AGMO: variants seen among roughly 807,000 people sequenced by gnomAD.
AGMO encodes glyceryl-ether monooxygenase.
In AGMO, 75 loss-of-function variants were observed where a neutral mutation model predicts 60.2. The observed-to-expected ratio is 1.25, with a 90% confidence interval of 1.03 to 1.51. The LOEUF (loss-of-function observed/expected upper bound fraction) is 1.51. Ranked by LOEUF, AGMO falls within the 40% of genes most tolerant of loss-of-function variation. AGMO has a pLI of 0.00. For synonymous variants in AGMO, 261 were observed against 177.1 expected (o/e 1.47, Z -3.76); for missense variants, 763 against 525.5 (o/e 1.45, Z -4.42).
intron 12 of AGMO, among the ~76,000 whole-genome samples, chr7:15,361,546 A>AAAAAAAAAAAAAAGAAAAAG (rs60239009): frequency 1.1e-5 from 1 of 91,408 alleles, no homozygotes; most frequent in South Asian, 3.6e-4. Context: ...TCTCAAAAAA[A>AAAAAAAAAAAAAAGAAAAAG]AAAAAAAAGG....
chr7:15,197,566 T>C (rs114372536), downstream of AGMO, among the ~76,000 whole-genome samples: 2,895 of 152,290 alleles, frequency 0.019, 87 homozygotes, highest in African/African-American at 0.065. Flanking sequence ...GATATGGAAG[T>C]AAATGGCATA....
chr7:15,351,760 T>C (rs558632414), intron 12 of AGMO, among the ~76,000 whole-genome samples: 91 of 152,298 alleles, frequency 6.0e-4, no homozygotes, highest in African/African-American at 2.1e-3. Context: ...GCAATTCTTT[T>C]TAAAAATAAC....
In AGMO at chr7:15,287,294, A is replaced by G. The variant is rs113737808; in HGVS notation, c.1263+78220T>C. Among the ~76,000 whole-genome samples, 948 of 152,314 alleles carry G rather than the reference A, an allele frequency of 6.2e-3. 6 individuals carry two copies. Among genetic ancestry groups the G allele is most frequent in the African/African-American group, 0.022 (894 of 41,580 alleles). ...AATAGAAATTATCAAAAAATTTGGG[A>G]CAAGATTAGCAATGTTATTTCATGA... On this transcript the variant is annotated intron_variant, in intron 12 of 12. Coordinates refer to ENST00000342526, the MANE Select transcript of AGMO (RefSeq NM_001004320.2).
At chr7:15,117,802 G>A in the AGMO span, among the ~76,000 whole-genome samples, 1 of 152,048 alleles carries the variant, frequency 6.6e-6, no homozygotes, top group Non-Finnish European at 1.5e-5. Context: ...GATAGGTAAA[G>A]TGCTCAGCCA....
the AGMO span, among the ~76,000 whole-genome samples, chr7:15,170,890 G>C: frequency 6.6e-6 from 1 of 152,094 alleles, no homozygotes; most frequent in South Asian, 2.1e-4. Context: ...AAGAGTACTG[G>C]TTAGGTATTT....
intron 3 of AGMO, among the ~76,000 whole-genome samples, chr7:15,439,181 G>A (rs953158932): frequency 2.4e-4 from 36 of 152,140 alleles, no homozygotes; most frequent in East Asian, 9.6e-4. Context: ...GGCATATCAC[G>A]AAGTCAAGAG....
In AGMO at chr7:15,296,731, A is replaced by T. The variant is rs193132650; in HGVS notation, c.1263+68783T>A. Among the ~76,000 whole-genome samples, 615 of 152,306 alleles carry T rather than the reference A, an allele frequency of 4.0e-3. 3 individuals carry two copies. The highest frequency in any genetic ancestry group is 6.7e-3 in the Non-Finnish European group (455 of 68,016). On this transcript the variant is annotated intron_variant, in intron 12 of 12. Coordinates refer to ENST00000342526, the MANE Select transcript of AGMO (RefSeq NM_001004320.2). ...AATTCTGTTAGTCCCTCTCTACCCC[A>T]AACCACAATGTAGGTACTTTATTTC...
intron 12 of AGMO, among the ~76,000 whole-genome samples, chr7:15,290,522 C>T (rs1376091973): frequency 6.6e-6 from 1 of 152,140 alleles, no homozygotes; most frequent in Non-Finnish European, 1.5e-5. Flanking sequence ...TTACTAGCTG[C>T]AGTTGAATGG....
intron 9 of AGMO, among the ~76,000 whole-genome samples, chr7:15,385,864 G>A (rs1165430056): frequency 1.3e-5 from 2 of 152,088 alleles, no homozygotes; most frequent in Non-Finnish European, 2.9e-5. Context: ...GATCACATCT[G>A]GCGGCAAAAG....
chr7:15,292,505 C>T (rs1784293067), intron 12 of AGMO, among the ~76,000 whole-genome samples: 2 of 151,980 alleles, frequency 1.3e-5, no homozygotes, highest in African/African-American at 2.4e-5. Context: ...AATATGAGGA[C>T]GACTAGTACT....
intron 12 of AGMO, among the ~76,000 whole-genome samples, chr7:15,259,698 A>AC (rs968902331): frequency 6.6e-6 from 1 of 151,954 alleles, no homozygotes; most frequent in Non-Finnish European, 1.5e-5. Context: ...TATCAGATTA[A>AC]CCGCAGGTTT....
chr7:15,131,536 TTGTGGA>T, the AGMO span, among the ~76,000 whole-genome samples: 1 of 151,950 alleles, frequency 6.6e-6, no homozygotes, highest in South Asian at 2.1e-4. Context: ...ATGGCACAAG[TTGTGGA>T]TGAAGATTAC....
At chr7:15,324,380 A>G (rs777020769) in intron 12 of AGMO, among the ~76,000 whole-genome samples, 32 of 152,170 alleles carry the variant, frequency 2.1e-4, no homozygotes, top group African/African-American at 7.5e-4. Context: ...CTGATGTTCT[A>G]TCTTTTAAAG....
chr7:15,216,589 A>T (rs1473172806), intron 12 of AGMO, among the ~76,000 whole-genome samples: 1 of 152,134 alleles, frequency 6.6e-6, no homozygotes, highest in Admixed American at 6.6e-5. Flanking sequence ...GAATAATGAT[A>T]AAAAATAATG....
At chr7:15,189,540 A>G in the AGMO span, among the ~76,000 whole-genome samples, 1 of 152,080 alleles carries the variant, frequency 6.6e-6, no homozygotes, top group Non-Finnish European at 1.5e-5. Flanking sequence ...TTAATAGCTA[A>G]TGCTTCACTT....
At chr7:15,256,582 T>G (rs1213055995) in intron 12 of AGMO, among the ~76,000 whole-genome samples, 2 of 152,158 alleles carry the variant, frequency 1.3e-5, no homozygotes, top group Non-Finnish European at 2.9e-5. Flanking sequence ...CAGGATGGTC[T>G]AGATCTCCTG....
chr7:15,319,145 G>T (rs1052470794), intron 12 of AGMO, among the ~76,000 whole-genome samples: 1 of 152,030 alleles, frequency 6.6e-6, no homozygotes, highest in Non-Finnish European at 1.5e-5. Flanking sequence ...CCTCAGCATA[G>T]GTTTTATTTT....
intron 12 of AGMO, among the ~76,000 whole-genome samples, chr7:15,211,780 C>A (rs1280322557): frequency 2.6e-5 from 4 of 151,824 alleles, no homozygotes; most frequent in Non-Finnish European, 5.9e-5. Flanking sequence ...AGATCTTTTT[C>A]AGGGGGATCT....
intron 12 of AGMO, among the ~76,000 whole-genome samples, chr7:15,361,627 A>G (rs531839931): frequency 2.6e-5 from 4 of 151,978 alleles, no homozygotes; most frequent in African/African-American, 4.8e-5. Context: ...AAAAAAAAGA[A>G]AGAGAGAGAG....
Sources: allele counts gnomAD v4.1 joint callset (sites outside exome capture counted in the v4.1 genomes callset), GRCh38; gene constraint gnomAD v4.1.1; transcripts MANE v1.5; gene names NCBI Gene and HGNC (gene_info 2026-07-23, HGNC 2026-07-21).